PLCH1: variants seen among roughly 807,000 people sequenced by gnomAD.
PLCH1 encodes the protein 1-phosphatidylinositol 4,5-bisphosphate phosphodiesterase eta-1.
Under a neutral mutation model 126.7 loss-of-function variants are expected in PLCH1, and 60 were observed. The ratio of observed to expected loss-of-function variants is 0.47; its 90% CI spans 0.38 to 0.59. The LOEUF is 0.59. PLCH1 is among the 20% of genes least tolerant of loss of function. The pLI is 0.00. For missense variants in PLCH1, 1,723 were observed against 2,040.0 expected (o/e 0.84, Z 2.99); for synonymous variants, 719 against 734.9 (o/e 0.98, Z 0.35).
intron 2 of PLCH1, among the ~76,000 whole-genome samples, chr3:155,670,658 A>AC (rs1398838954): frequency 6.6e-6 from 1 of 151,838 alleles, no homozygotes; most frequent in Non-Finnish European, 1.5e-5. Flanking sequence ...AGATGACAAG[A>AC]CCCTTTCCCT....
chr3:155,454,823 T>G (rs2107967370), intron 21 of PLCH1, among the ~76,000 whole-genome samples: 1 of 152,348 alleles, frequency 6.6e-6, no homozygotes, highest in East Asian at 1.9e-4. Flanking sequence ...CTGCTATACC[T>G]ACAAGGTAAC....
At chr3:155,585,644 CTCA>C (rs1399613724) in intron 5 of PLCH1, among the ~76,000 whole-genome samples, 16 of 152,276 alleles carry the variant, frequency 1.1e-4, no homozygotes, top group African/African-American at 3.9e-4. Context: ...CCTCCTAATC[CTCA>C]TGGATACTAA....
chr3:155,711,147 T>C (rs1303685722), intron 1 of PLCH1, among the ~76,000 whole-genome samples: 1 of 151,638 alleles, frequency 6.6e-6, no homozygotes, highest in Non-Finnish European at 1.5e-5. Flanking sequence ...ACACAAAAAA[T>C]CCTAATGCAA....
chr3:155,651,203 G>A (rs1400634964), intron 2 of PLCH1, among the ~76,000 whole-genome samples: 2 of 152,184 alleles, frequency 1.3e-5, no homozygotes, highest in Non-Finnish European at 2.9e-5. Context: ...CTGAAAGTCT[G>A]CAACTTCAGC....
chr3:155,738,301 G>A (rs952561156), intron 1 of PLCH1, among the ~76,000 whole-genome samples: 5 of 152,162 alleles, frequency 3.3e-5, no homozygotes, highest in Non-Finnish European at 7.3e-5. Context: ...AGGGAAGAAA[G>A]AAGACCCAGA....
intron 8 of PLCH1, among the ~76,000 whole-genome samples, chr3:155,554,622 G>A (rs1322193268): frequency 2.6e-5 from 4 of 152,024 alleles, no homozygotes; most frequent in Non-Finnish European, 5.9e-5. Flanking sequence ...CAATAATATA[G>A]TTTTCATTAT....
chr3:155,503,458 C>T (rs945612143), intron 13 of PLCH1, among the ~76,000 whole-genome samples: 11 of 151,544 alleles, frequency 7.3e-5, no homozygotes, highest in African/African-American at 2.2e-4. Context: ...AATTTTTACT[C>T]ATTCTATTAT....
chr3:155,521,796 C>G (rs1721138535), intron 11 of PLCH1, among the ~76,000 whole-genome samples: 2 of 152,098 alleles, frequency 1.3e-5, no homozygotes, highest in South Asian at 4.1e-4. Flanking sequence ...AAATATTTCT[C>G]CAATGTTGAT....
chr3:155,656,389 C>A (rs972002943), intron 2 of PLCH1, among the ~76,000 whole-genome samples: 1 of 152,144 alleles, frequency 6.6e-6, no homozygotes, highest in Non-Finnish European at 1.5e-5. Flanking sequence ...AAACTATATA[C>A]AACCCTCACT....
intron 2 of PLCH1, 116 bp from the exon 3 acceptor site, chr3:155,596,494 AC>A: frequency 1.3e-6 from 1 of 777,178 alleles, no homozygotes; most frequent in South Asian, 2.5e-5. Flanking sequence ...AAGGACCAGA[AC>A]AAATTTGGTA....
At chr3:155,569,047 A>G (rs1431956190) in intron 6 of PLCH1, among the ~76,000 whole-genome samples, 4 of 152,150 alleles carry the variant, frequency 2.6e-5, no homozygotes, top group Non-Finnish European at 5.9e-5. Context: ...ATTGTGTGGC[A>G]CCAAAAAGGC....
chr3:155,721,168 CT>C (rs1174173606), intron 1 of PLCH1, among the ~76,000 whole-genome samples: 2 of 152,114 alleles, frequency 1.3e-5, no homozygotes, highest in African/African-American at 4.8e-5. Context: ...CAGATTTGTT[CT>C]TTTTGCTAAG....
At chr3:155,680,110 C>T (rs950091343) in intron 2 of PLCH1, among the ~76,000 whole-genome samples, 4 of 152,116 alleles carry the variant, frequency 2.6e-5, no homozygotes, top group South Asian at 2.1e-4. Context: ...GTCGGCTGGG[C>T]GCGGTGGCTC....
At chr3:155,517,214 G>A (rs747352252) in intron 11 of PLCH1, among the ~76,000 whole-genome samples, 16 of 152,108 alleles carry the variant, frequency 1.1e-4, no homozygotes, top group Non-Finnish European at 2.4e-4. Flanking sequence ...GGCTGAGGTG[G>A]AAGGATCCCA....
intron 10 of PLCH1, among the ~76,000 whole-genome samples, chr3:155,546,064 A>G (rs566894992): frequency 1.1e-4 from 17 of 152,316 alleles, no homozygotes; most frequent in African/African-American, 4.1e-4. Flanking sequence ...AAGGAAATAA[A>G]GGGTATTCAA....
At chr3:155,725,143 C>A (rs1415846554) in intron 1 of PLCH1, among the ~76,000 whole-genome samples, 1 of 152,092 alleles carries the variant, frequency 6.6e-6, no homozygotes. Context: ...GCTGACAAAT[C>A]TGCTGTTAAT....
In PLCH1 at chr3:155,494,227, T is replaced by G; in HGVS notation, c.2096A>C (p.Glu699Ala). 4 of 1,614,018 alleles carry G rather than the reference T, an allele frequency of 2.5e-6. No individual in the cohort carries two copies. Among genetic ancestry groups the G allele is most frequent in the Non-Finnish European group, 3.4e-6 (4 of 1,179,936 alleles). Residue 699 changes from glutamate (E) to alanine (A), a missense_variant, in exon 17 of 23, where the codon GAA becomes GCA. Glu to Ala is a moderately radical substitution (Grantham distance 107, BLOSUM62 -1). Around this residue, in one of 2 missense-constraint regions of PLCH1, gnomAD observed 776 missense variants for 1,062.9 expected, o/e 0.73. Coordinates refer to ENST00000460012, the MANE Select transcript of PLCH1 (RefSeq NM_014996.4). ...TCGGTTTAACTGCATCATTCGTCCT[T>G]CAGATTGATAATTCAGTGCCACTGT... ...CQLVALNYQS[E>A]GRMMQLNRAK...
chr3:155,666,893 G>GGTGTGT (rs3220185), intron 2 of PLCH1, among the ~76,000 whole-genome samples: 16 of 148,768 alleles, frequency 1.1e-4, no homozygotes, highest in Admixed American at 1.3e-4. Context: ...ACACAGATGA[G>GGTGTGT]GTGTGTGTGT....
chr3:155,741,204 G>A (rs183447814), intron 1 of PLCH1, among the ~76,000 whole-genome samples: 1 of 152,328 alleles, frequency 6.6e-6, no homozygotes, highest in East Asian at 1.9e-4. Context: ...AAAGAGATGT[G>A]AGTGAGTGTC....
Sources: gnomAD v4.1 joint callset for allele counts (sites outside exome capture counted in the v4.1 genomes callset) on GRCh38, gnomAD v4.1.1 for gene constraint, gnomAD v4.1.1 regional missense constraint, MANE v1.5 for transcripts, NCBI Gene and HGNC (gene_info 2026-07-23, HGNC 2026-07-21) for gene names.